FHIT: variants seen among roughly 807,000 people sequenced by gnomAD.
FHIT encodes bis(5'-adenosyl)-triphosphatase.
In FHIT, 19 loss-of-function variants were observed where a neutral mutation model predicts 17.9. The ratio of observed to expected loss-of-function variants is 1.06; its 90% CI spans 0.74 to 1.56. The LOEUF is 1.56. Ranked by LOEUF, FHIT falls within the 40% of genes most tolerant of loss-of-function variation. FHIT has a pLI of 0.00. For synonymous variants in FHIT, 81 were observed against 69.7 expected, an observed-to-expected ratio of 1.16 and a Z score of -0.81; for missense variants, 248 against 189.2, an observed-to-expected ratio of 1.31 and a Z score of -1.82.
intron 3 of FHIT, among the ~76,000 whole-genome samples, chr3:61,007,400 G>A (rs1044616522): frequency 3.3e-5 from 5 of 152,156 alleles, no homozygotes; most frequent in East Asian, 3.9e-4. Context: ...ACTAGAAATC[G>A]ATGGAGGAGC....
chr3:60,822,183 G>A (rs77245022), intron 3 of FHIT, among the ~76,000 whole-genome samples, 172 bp from the exon 4 acceptor site: 8,493 of 152,238 alleles, frequency 0.056, 355 homozygotes, highest in Admixed American at 0.13. Context: ...TCATTAATCT[G>A]TACATTGGAG....
At chr3:60,137,395 A>G (rs966547478) in intron 5 of FHIT, among the ~76,000 whole-genome samples, 2 of 152,228 alleles carry the variant, frequency 1.3e-5, no homozygotes, top group Non-Finnish European at 2.9e-5. Context: ...AGACAGAAAC[A>G]CACTTTCTCA....
intron 5 of FHIT, among the ~76,000 whole-genome samples, chr3:60,309,184 C>G (rs556181406): frequency 1.3e-5 from 2 of 151,918 alleles, no homozygotes; most frequent in African/African-American, 4.8e-5. Flanking sequence ...CTGCTTGCAG[C>G]GGAAGGTTTG....
At chr3:61,184,825 T>C (rs115706491) in intron 2 of FHIT, among the ~76,000 whole-genome samples, 1,838 of 152,282 alleles carry the variant, frequency 0.012, 44 homozygotes, top group African/African-American at 0.042. Flanking sequence ...TCCACTCTAA[T>C]GAACACGCTG....
chr3:60,894,668 A>T (rs376687625), intron 3 of FHIT, among the ~76,000 whole-genome samples: 11 of 110,250 alleles, frequency 1.0e-4, no homozygotes, highest in African/African-American at 4.0e-4. Flanking sequence ...TTTAGTATTC[A>T]AAACAAAACA....
intron 5 of FHIT, among the ~76,000 whole-genome samples, chr3:60,431,440 G>C (rs534595608): frequency 6.6e-6 from 1 of 152,076 alleles, no homozygotes; most frequent in East Asian, 1.9e-4. Context: ...GCTTAGTGTA[G>C]CTGTCGCTGG....
chr3:60,466,945 T>C (rs1388916299), intron 5 of FHIT, among the ~76,000 whole-genome samples: 1 of 151,856 alleles, frequency 6.6e-6, no homozygotes, highest in African/African-American at 2.4e-5. Context: ...TTGAGTAGCA[T>C]TGGTATTAGT....
At chr3:60,398,563 C>A (rs1452009678) in intron 5 of FHIT, among the ~76,000 whole-genome samples, 2 of 152,152 alleles carry the variant, frequency 1.3e-5, no homozygotes, top group Non-Finnish European at 2.9e-5. Context: ...ACCCACCCTC[C>A]ACAATCAGTT....
At chr3:60,467,850 GTAAGA>G (rs1276550506) in intron 5 of FHIT, among the ~76,000 whole-genome samples, 1 of 152,092 alleles carries the variant, frequency 6.6e-6, no homozygotes, top group African/African-American at 2.4e-5. Context: ...TGCAGATTAA[GTAAGA>G]TGTTTGCTGA....
At chr3:60,318,910 T>C (rs1291432272) in intron 5 of FHIT, among the ~76,000 whole-genome samples, 1 of 152,192 alleles carries the variant, frequency 6.6e-6, no homozygotes, top group East Asian at 1.9e-4. Context: ...TTCCAGCTTC[T>C]AGTGGCTGCC....
chr3:60,545,624 T>C (rs2036334933), intron 4 of FHIT, among the ~76,000 whole-genome samples: 1 of 152,242 alleles, frequency 6.6e-6, no homozygotes. Context: ...TATTTCATAG[T>C]ATGTCTTTTC....
chr3:60,279,597 G>A (rs1029342704), intron 5 of FHIT, among the ~76,000 whole-genome samples: 7 of 152,016 alleles, frequency 4.6e-5, no homozygotes, highest in African/African-American at 7.2e-5. Context: ...CAGAATACAC[G>A]TGCAAACCCC....
intron 2 of FHIT, among the ~76,000 whole-genome samples, chr3:61,065,364 G>A (rs888766472): frequency 2.0e-5 from 3 of 152,040 alleles, no homozygotes; most frequent in Non-Finnish European, 4.4e-5. Context: ...AATATAGATG[G>A]TGTGTTCACA....
rs576495328 is a variant in FHIT at position 60,045,361 on chromosome 3, C to A, written c.104-31209G>T. Among the ~76,000 whole-genome samples the A allele has an allele frequency of 3.3e-5, 5 of 152,072 alleles. No individual in the cohort carries two copies. The East Asian group carries it at 9.7e-4, about 30-fold the overall frequency. On this transcript the variant is annotated intron_variant, in intron 5 of 9. Coordinates refer to ENST00000492590, the MANE Select transcript of FHIT (RefSeq NM_002012.4). ...AATCATGGCAGAAGACAAGGAGGAG[C>A]AAGTCACTTCTTACATGGATGGCAG...
chr3:60,585,660 T>C (rs530589689), intron 4 of FHIT, among the ~76,000 whole-genome samples: 1 of 152,210 alleles, frequency 6.6e-6, no homozygotes, highest in East Asian at 1.9e-4. Flanking sequence ...CATTTCACTA[T>C]GTAAATTCTA....
chr3:60,315,815 G>A (rs2106780997), intron 5 of FHIT, among the ~76,000 whole-genome samples: 1 of 152,314 alleles, frequency 6.6e-6, no homozygotes, highest in East Asian at 1.9e-4. Context: ...ATACCTAGAA[G>A]TAAAGTTGCT....
intron 3 of FHIT, among the ~76,000 whole-genome samples, chr3:60,963,554 C>G (rs1243601038): frequency 2.0e-5 from 3 of 152,128 alleles, no homozygotes; most frequent in African/African-American, 4.8e-5. Context: ...CCTGCTTTCT[C>G]CTGTGGGCAT....
intron 4 of FHIT, among the ~76,000 whole-genome samples, chr3:60,563,442 A>G (rs2037024634): frequency 6.6e-6 from 1 of 152,228 alleles, no homozygotes; most frequent in Non-Finnish European, 1.5e-5. Context: ...AGTGTCACAC[A>G]TCTCTCACTT....
chr3:60,296,803 T>C lies in FHIT; in HGVS notation c.103+240057A>G, dbSNP rs7647522. Among the ~76,000 whole-genome samples the C allele has an allele frequency of 7.7e-4, 117 of 152,072 alleles. 1 individual carries two copies. Among genetic ancestry groups the C allele is most frequent in the Non-Finnish European group, 1.5e-3 (102 of 67,966 alleles). On this transcript the variant is annotated intron_variant, in intron 5 of 9. Coordinates refer to ENST00000492590, the MANE Select transcript of FHIT (RefSeq NM_002012.4). Reference sequence around the variant, plus strand: ...TCTAAAAGTGTTACATTAATGTTCATGAGACATTTTGAATGAATTTTGTGC... The same window carrying C: ...TCTAAAAGTGTTACATTAATGTTCACGAGACATTTTGAATGAATTTTGTGC...
Sources: gnomAD v4.1 joint callset for allele counts (sites outside exome capture counted in the v4.1 genomes callset) on GRCh38, gnomAD v4.1.1 for gene constraint, MANE v1.5 for transcripts, NCBI Gene and HGNC (gene_info 2026-07-23, HGNC 2026-07-21) for gene names.